The following RIMS2 variants were observed in gnomAD, a reference collection of about 807,000 sequenced individuals.
The protein encoded by RIMS2 is regulating synaptic membrane exocytosis 2, also known as regulating synaptic membrane exocytosis protein 2.
Under a neutral mutation model 174.4 loss-of-function variants are expected in RIMS2, and 59 were observed. That is an observed-to-expected ratio of 0.34 (90% CI 0.27 to 0.42). The LOEUF (loss-of-function observed/expected upper bound fraction) is 0.42, where lower values mean the gene tolerates loss of function less well. RIMS2 is among the 10% of genes least tolerant of loss of function. RIMS2 has a pLI of 1.00. For synonymous variants in RIMS2, 606 were observed against 572.5 expected, an observed-to-expected ratio of 1.06 and a Z score of -0.84; for missense variants, 1,620 against 1,666.3, an observed-to-expected ratio of 0.97 and a Z score of 0.48.
chr8:103,735,858 A>G (rs2097678953), intron 2 of RIMS2, among the ~76,000 whole-genome samples: 1 of 152,178 alleles, frequency 6.6e-6, no homozygotes, highest in Non-Finnish European at 1.5e-5. Context: ...TTCTTTTGTC[A>G]GTAGATGAAC....
intron 19 of RIMS2, among the ~76,000 whole-genome samples, chr8:104,219,088 A>C (rs922442775): frequency 2.0e-5 from 3 of 152,246 alleles, no homozygotes; most frequent in African/African-American, 7.2e-5. Context: ...CATAAATGAC[A>C]TGTAACTTTC....
intron 13 of RIMS2, 64 bp from the exon 16 acceptor site, chr8:103,942,709 C>T: frequency 3.5e-6 from 4 of 1,146,464 alleles, no homozygotes; most frequent in East Asian, 2.5e-5. Flanking sequence ...AGTTATAGGA[C>T]CATTTAACAT....
At chr8:103,936,432 A>T in intron 12 of RIMS2, 119 bp from the exon 15 acceptor site, 1 of 589,598 alleles carries the variant, frequency 1.7e-6, no homozygotes, top group Non-Finnish European at 2.9e-6. Context: ...TTTGCAATGT[A>T]TGATAATTTT....
intron 2 of RIMS2, among the ~76,000 whole-genome samples, chr8:103,756,419 A>C (rs1265671198): frequency 7.8e-6 from 1 of 127,644 alleles, no homozygotes; most frequent in Admixed American, 7.9e-5. Context: ...ACTCTTGTAT[A>C]TTATTTTCTT....
intron 19 of RIMS2, among the ~76,000 whole-genome samples, chr8:104,136,177 AC>A (rs2098517973): frequency 6.6e-6 from 1 of 152,140 alleles, no homozygotes; most frequent in South Asian, 2.1e-4. Context: ...TACAGTGGTG[AC>A]TTTTTTGATG....
chr8:104,207,010 G>T (rs2099083263), intron 19 of RIMS2, among the ~76,000 whole-genome samples: 2 of 152,084 alleles, frequency 1.3e-5, no homozygotes, highest in South Asian at 4.1e-4. Flanking sequence ...GAAACCAAGG[G>T]ACAGAGAGAT....
chr8:104,199,752 T>C (rs558579608), intron 19 of RIMS2, among the ~76,000 whole-genome samples: 2 of 152,230 alleles, frequency 1.3e-5, no homozygotes, highest in African/African-American at 4.8e-5. Flanking sequence ...CACACAATAA[T>C]GTCTTTAACA....
intron 1 of RIMS2, among the ~76,000 whole-genome samples, chr8:103,554,448 C>T (rs965721783): frequency 9.2e-5 from 14 of 152,120 alleles, no homozygotes; most frequent in Admixed American, 9.2e-4. Flanking sequence ...AAATGCTCAT[C>T]TTACCATTAG....
intron 1 of RIMS2, among the ~76,000 whole-genome samples, chr8:103,685,370 G>C (rs2096929361): frequency 1.3e-5 from 2 of 151,950 alleles, no homozygotes; most frequent in African/African-American, 2.4e-5. Flanking sequence ...AAAACAACTA[G>C]TTCTCCTGTG....
At chr8:103,887,559 G>A (rs1594589234) in intron 4 of RIMS2, among the ~76,000 whole-genome samples, 2 of 151,038 alleles carry the variant, frequency 1.3e-5, no homozygotes, top group East Asian at 3.9e-4. Flanking sequence ...TTATTTTGGT[G>A]TATGACAAAA....
intron 14 of RIMS2, among the ~76,000 whole-genome samples, chr8:103,943,479 T>A (rs1565450606): frequency 6.6e-6 from 1 of 152,158 alleles, no homozygotes; most frequent in African/African-American, 2.4e-5. Context: ...GAAATAGTAA[T>A]ACCTGCATTA....
rs1393662874 is a variant in RIMS2 at position 104,157,503 on chromosome 8, C to CT, written c.3335-87409dup. Among the ~76,000 whole-genome samples, 7 of 152,312 alleles carry CT rather than the reference C, an allele frequency of 4.6e-5. No homozygotes were observed. The South Asian group carries it at 1.4e-3, about 32-fold the overall frequency. On this transcript the variant is annotated intron_variant, in intron 19 of 23. Coordinates refer to ENST00000504942, the Ensembl canonical transcript of RIMS2. ...ATCACCACAATCCATCTCCACAACT[C>CT]TTTTCAGTTGCAAAACTTAAACTAT...
intron 1 of RIMS2, among the ~76,000 whole-genome samples, chr8:103,615,494 C>A (rs1452571826): frequency 1.3e-5 from 2 of 151,926 alleles, no homozygotes; most frequent in Non-Finnish European, 2.9e-5. Context: ...CAAATCAACA[C>A]CAAAGCTAGC....
intron 2 of RIMS2, among the ~76,000 whole-genome samples, chr8:103,759,279 A>G (rs923755750): frequency 6.6e-6 from 1 of 152,174 alleles, no homozygotes; most frequent in African/African-American, 2.4e-5. Flanking sequence ...AAGAAAGGCC[A>G]AGAAGGACAG....
At chr8:103,519,352 C>A (rs1424371598) in intron 1 of RIMS2, among the ~76,000 whole-genome samples, 2 of 152,106 alleles carry the variant, frequency 1.3e-5, no homozygotes, top group Non-Finnish European at 2.9e-5. Context: ...TGTTTTGGAA[C>A]ACAGGCTTCC....
At chr8:103,567,026 C>G (rs2092411674) in intron 1 of RIMS2, among the ~76,000 whole-genome samples, 1 of 152,198 alleles carries the variant, frequency 6.6e-6, no homozygotes, top group African/African-American at 2.4e-5. Flanking sequence ...TAGGCAACCA[C>G]TAATCTTTCT....
At chr8:103,753,546 G>A (rs1287807531) in intron 2 of RIMS2, among the ~76,000 whole-genome samples, 1 of 151,886 alleles carries the variant, frequency 6.6e-6, no homozygotes, top group Admixed American at 6.6e-5. Flanking sequence ...GGTAGAATTC[G>A]GCTGTGAATC....
chr8:103,533,677 A>AG (rs57164213), intron 1 of RIMS2, among the ~76,000 whole-genome samples: 8 of 148,332 alleles, frequency 5.4e-5, no homozygotes, highest in Non-Finnish European at 7.4e-5. Flanking sequence ...AAAAAAAAAA[A>AG]AAAAAGAAAA....
At chr8:103,626,877 A>C (rs2095799980) in intron 1 of RIMS2, among the ~76,000 whole-genome samples, 1 of 152,206 alleles carries the variant, frequency 6.6e-6, no homozygotes, top group South Asian at 2.1e-4. Context: ...CATGCTTCAA[A>C]GGGCAATAAA....
Sources: gnomAD v4.1 joint callset for allele counts (sites outside exome capture counted in the v4.1 genomes callset) on GRCh38, gnomAD v4.1.1 for gene constraint, MANE v1.5 for transcripts, NCBI Gene and HGNC (gene_info 2026-07-23, HGNC 2026-07-21) for gene names.